EIF3D: variants seen among roughly 807,000 people sequenced by gnomAD.
The protein encoded by EIF3D is eIF3 p66.
A neutral mutation model predicts 75.4 loss-of-function variants in EIF3D; 10 were observed. That is an observed-to-expected ratio of 0.13 (90% CI 0.08 to 0.22). EIF3D has a LOEUF of 0.22. EIF3D is among the 10% of genes least tolerant of loss of function. EIF3D has a pLI of 1.00. For missense variants in EIF3D, 394 were observed against 708.0 expected, an observed-to-expected ratio of 0.56 and a Z score of 5.03; for synonymous variants, 246 against 248.3, an observed-to-expected ratio of 0.99 and a Z score of 0.09.
intron 9 of EIF3D, among the ~76,000 whole-genome samples, chr22:36,518,047 C>T (rs1934454508): frequency 6.6e-6 from 1 of 151,978 alleles, no homozygotes; most frequent in Admixed American, 6.6e-5. Context: ...CCGTGTCCAG[C>T]CTGTTTTGTT....
At chr22:36,512,819 A>C in intron 12 of EIF3D, 1 of 533,452 alleles carries the variant, frequency 1.9e-6, no homozygotes. Context: ...TCTCTTCTAA[A>C]AGCTCGCCTA....
rs758550310 is a variant in EIF3D, at chr22:36,523,266, C to T, written c.408G>A (p.Leu136=). The change falls in exon 6 of 15, where the codon CTG becomes CTA. Residue 136 remains leucine, a synonymous_variant. Coordinates refer to ENST00000216190, the MANE Select transcript of EIF3D (RefSeq NM_003753.4). ...CAAATTGTTTCTGGAACTTTTTCTGCAGTCGAATGCGTTCTCTGGAAAGAC... is the reference window on the plus strand; with the variant it reads ...CAAATTGTTTCTGGAACTTTTTCTGTAGTCGAATGCGTTCTCTGGAAAGAC... ...AKQKERERIR[L]QKKFQKQFGV... The T allele has an allele frequency of 6.2e-7, 1 of 1,613,506 alleles. No homozygotes were observed. The highest frequency in any genetic ancestry group is 1.1e-5 in the South Asian group (1 of 91,036).
chr22:36,520,717 A>G (rs1290591154), intron 6 of EIF3D, 29 bp from the exon 7 acceptor site: 1 of 1,502,846 alleles, frequency 6.7e-7, no homozygotes, highest in Non-Finnish European at 9.2e-7. Flanking sequence ...AGAGGAAAAA[A>G]AAGTTATAGT....
intron 2 of EIF3D, 21 bp downstream of exon 2, chr22:36,525,978 C>T: frequency 1.3e-6 from 2 of 1,590,774 alleles, no homozygotes; most frequent in Non-Finnish European, 1.7e-6. Flanking sequence ...AAGATTCAGA[C>T]TCCTGCTGAC....
Position 36,520,578 on chromosome 22 carries a change from G to C in EIF3D, c.576C>G (p.Asp192Glu). The change falls in exon 7 of 15, where the codon GAC becomes GAG. Residue 192 changes from aspartate to glutamate, a missense_variant and splice_region_variant. Physicochemically the swap from Asp to Glu is conservative, Grantham distance 45 (BLOSUM62 2). Coordinates refer to ENST00000216190, the MANE Select transcript of EIF3D (RefSeq NM_003753.4). ...MRYLEVSEPQ[D>E]IECCGALEYY... ...AAGTAGTAAAAGATGCTGCTTACAT[G>C]TCCTGTGGCTCTGATACTTCCAAGT... 1 of 1,608,402 alleles carries C rather than the reference G, an allele frequency of 6.2e-7. No homozygotes were observed. The highest frequency in any genetic ancestry group is 8.5e-7 in the Non-Finnish European group (1 of 1,175,092).
chr22:36,512,739 A>G (rs1435646543), intron 12 of EIF3D, 137 bp from the exon 13 acceptor site: 3 of 981,790 alleles, frequency 3.1e-6, no homozygotes, highest in Non-Finnish European at 4.4e-6. Flanking sequence ...TTACCATTTA[A>G]GAGACAAAGA....
chr22:36,526,270 G>A lies in EIF3D; in HGVS notation c.-10-139C>T, dbSNP rs76589784. ...AAAATGGAACCCTCAACTGTTGAGCGACTACTACTGTTTTTGTTAATTATA... is the reference window on the plus strand; with the variant it reads ...AAAATGGAACCCTCAACTGTTGAGCAACTACTACTGTTTTTGTTAATTATA... On this transcript the variant is annotated intron_variant, in intron 1 of 14. Transcript: ENST00000216190. 1,130 of 844,094 alleles carry A rather than the reference G, an allele frequency of 1.3e-3. 7 individuals are homozygous for A. In the African/African-American group the frequency reaches 0.017, roughly 13 times the overall value. 52.3% of individuals were successfully genotyped at this position (844,094 alleles called of 1,614,324 possible). A position where few individuals can be genotyped will look rare whatever the true frequency, so the allele number is the denominator to read the frequency against.
intron 7 of EIF3D, among the ~76,000 whole-genome samples, 177 bp from the exon 8 acceptor site, chr22:36,519,714 T>G (rs143420711): frequency 6.6e-6 from 1 of 152,268 alleles, no homozygotes; most frequent in Non-Finnish European, 1.5e-5. Flanking sequence ...ACTTAACACC[T>G]GGCATAGAAC....
intron 2 of EIF3D, 75 bp from the exon 3 acceptor site, chr22:36,525,784 C>A: frequency 6.4e-7 from 1 of 1,565,426 alleles, no homozygotes; most frequent in Non-Finnish European, 8.7e-7. Flanking sequence ...AATCCCTGAG[C>A]GCGAGAGGAC....
At chr22:36,517,504 A>G in intron 9 of EIF3D, 73 bp from the exon 10 acceptor site, 1 of 1,484,204 alleles carries the variant, frequency 6.7e-7, no homozygotes, top group Non-Finnish European at 8.9e-7. Context: ...CTGTGGGGAG[A>G]TGTGGAGAGG....
In EIF3D at chr22:36,529,148, T is replaced by A. The variant is rs1934660950; in HGVS notation, c.-83A>T. On this transcript the variant is annotated 5_prime_UTR_variant, in exon 1 of 15. Coordinates refer to ENST00000216190, the MANE Select transcript of EIF3D (RefSeq NM_003753.4). ...GGGACCGCGTTAGCAGCAGCACTCT[T>A]GAGAAACCAGGAAAAGAGGAAACAT... The A allele has an allele frequency of 2.5e-6, 1 of 396,660 alleles. No individual in the cohort carries two copies. The highest frequency in any genetic ancestry group is 4.4e-6 in the Non-Finnish European group (1 of 225,122). 24.6% of individuals were successfully genotyped at this position (396,660 alleles called of 1,614,324 possible).
intron 5 of EIF3D, among the ~76,000 whole-genome samples, chr22:36,523,542 A>G (rs1934549151): frequency 6.6e-6 from 1 of 152,178 alleles, no homozygotes; most frequent in Non-Finnish European, 1.5e-5. Flanking sequence ...TCTGGGGTGT[A>G]GTGGCCGCTG....
At chr22:36,525,169 T>TC (rs1452986203) in intron 3 of EIF3D, among the ~76,000 whole-genome samples, 1 of 151,260 alleles carries the variant, frequency 6.6e-6, no homozygotes, top group African/African-American at 2.4e-5. Flanking sequence ...GGCAGCCACC[T>TC]CCAACTATCT....
At chr22:36,521,102 AG>A (rs1322593991) in intron 6 of EIF3D, among the ~76,000 whole-genome samples, 1 of 151,958 alleles carries the variant, frequency 6.6e-6, no homozygotes, top group Admixed American at 6.6e-5. Flanking sequence ...CGGGAGGCTG[AG>A]GCAGGAGAAC....
In EIF3D at chr22:36,516,511, G is replaced by A. The variant is rs141517401; in HGVS notation, c.1173C>T (p.Ile391=). 499 of 1,614,216 alleles carry A rather than the reference G, an allele frequency of 3.1e-4. 1 individual carries two copies. Among genetic ancestry groups the A allele is most frequent in the Non-Finnish European group, 8.3e-5 (98 of 1,180,026 alleles). ...MTGANGEVSF[I]NIKTLNEWDS... ...CCCACTCATTGAGTGTCTTGATGTT[G>A]ATGAAGGACACTTCCCCGTTGGCTC... is the stretch of plus-strand genomic sequence containing the variant. The change falls in exon 12 of 15, where the codon ATC becomes ATT. Residue 391 remains isoleucine (I), a synonymous_variant. Coordinates refer to ENST00000216190, the MANE Select transcript of EIF3D (RefSeq NM_003753.4).
chr22:36,526,041 A>G lies in EIF3D; in HGVS notation c.81T>C (p.Asp27=), dbSNP rs1603499094. Residue 27 remains aspartate (D), a synonymous_variant, in exon 2 of 15, where the codon GAT becomes GAC. Coordinates refer to ENST00000216190, the MANE Select transcript of EIF3D (RefSeq NM_003753.4). ...CTTTGCTGAACGGCTGGTAGGGCATATCCCGAAACTGCTCGGGAACCGCAC... is the reference window on the plus strand; with the variant it reads ...CTTTGCTGAACGGCTGGTAGGGCATGTCCCGAAACTGCTCGGGAACCGCAC... ...GPCAVPEQFR[D]MPYQPFSKGD... 2 of 1,613,700 alleles carry G rather than the reference A, an allele frequency of 1.2e-6. No individual in the cohort carries two copies. Among genetic ancestry groups the G allele is most frequent in the African/African-American group, 1.3e-5 (1 of 75,048 alleles).
In EIF3D at chr22:36,516,697, T is replaced by C; in HGVS notation, c.1076+8A>G. The C allele has an allele frequency of 6.2e-7, 1 of 1,614,190 alleles. No individual in the cohort carries two copies. The highest frequency in any genetic ancestry group is 8.5e-7 in the Non-Finnish European group (1 of 1,180,018). ...CTGGCCACAATACCCACCAGAGAGG[T>C]GACCTACCGGTACGCAACAGAGGCG... is the stretch of plus-strand genomic sequence containing the variant. On this transcript the variant is annotated splice_region_variant and intron_variant, in intron 11 of 14. Transcript: ENST00000216190.
intron 12 of EIF3D, among the ~76,000 whole-genome samples, chr22:36,513,451 C>T (rs1479525675): frequency 3.9e-5 from 6 of 151,906 alleles, no homozygotes; most frequent in South Asian, 2.1e-4. Flanking sequence ...TACAGGTGCC[C>T]GCCACCATGT....
At position 36,518,837 on chromosome 22, in the gene EIF3D, A is replaced by C; in HGVS notation, c.785T>G (p.Val262Gly). ...LATLMSCTRSVYSWDIVVQRV... is the reference protein window; with the variant it reads ...LATLMSCTRSGYSWDIVVQRV... ...CTGGACGACAATATCCCAGGAATAC[A>C]CTGAGCGGGTACAGCTCATCAGCGT... Residue 262 changes from valine (V) to glycine (G), a missense_variant, in exon 9 of 15, where the codon GTG (valine) becomes GGG (glycine). By Grantham distance (109) the Val-to-Gly change is moderately radical. Transcript: ENST00000216190. 2 of 1,614,224 alleles carry C rather than the reference A, an allele frequency of 1.2e-6. No homozygotes were observed. The highest frequency in any genetic ancestry group is 1.7e-6 in the Non-Finnish European group (2 of 1,180,034).
Sources: gnomAD v4.1 joint callset for allele counts (sites outside exome capture counted in the v4.1 genomes callset) on GRCh38, gnomAD v4.1.1 for gene constraint, MANE v1.5 for transcripts, NCBI Gene and HGNC (gene_info 2026-07-23, HGNC 2026-07-21) for gene names.